Variants in EVA1C observed in about 807,000 individuals in gnomAD.
The protein encoded by EVA1C is protein eva-1 homolog C.
EVA1C carries 25 observed loss-of-function variants against 45.4 expected under a neutral mutation model. The ratio of observed to expected loss-of-function variants is 0.55; its 90% CI spans 0.40 to 0.77. The LOEUF is 0.77. Ranked by LOEUF, EVA1C falls within the 30% of genes least tolerant of loss-of-function variation. The probability of loss-of-function intolerance (pLI) is 0.00; values close to 1 mark genes in which losing one functional copy is unlikely to be tolerated. For synonymous variants in EVA1C, 190 were observed against 221.2 expected, an observed-to-expected ratio of 0.86 and a Z score of 1.25; for missense variants, 479 against 554.8, an observed-to-expected ratio of 0.86 and a Z score of 1.37.
chr21:32,487,686 C>T (rs1399739257), intron 4 of EVA1C, among the ~76,000 whole-genome samples: 1 of 151,232 alleles, frequency 6.6e-6, no homozygotes, highest in African/African-American at 2.4e-5. Context: ...CGCCATTGCC[C>T]TCCAGTCTGG....
At chr21:32,417,443 T>C (rs2034093086) in intron 1 of EVA1C, among the ~76,000 whole-genome samples, 1 of 152,190 alleles carries the variant, frequency 6.6e-6, no homozygotes, top group Admixed American at 6.5e-5. Context: ...ATCAGTCATA[T>C]TGGACTAGAC....
chr21:32,476,406 C>T (rs2036565545), intron 4 of EVA1C, among the ~76,000 whole-genome samples: 1 of 152,018 alleles, frequency 6.6e-6, no homozygotes, highest in African/African-American at 2.4e-5. Context: ...CTTTGGGAGG[C>T]CGAGGCAGGT....
intron 2 of EVA1C, among the ~76,000 whole-genome samples, chr21:32,454,419 A>G (rs894697856): frequency 6.6e-6 from 1 of 152,072 alleles, no homozygotes; most frequent in Non-Finnish European, 1.5e-5. Context: ...GGTTTAAGTC[A>G]TTCTTTTTGT....
At chr21:32,446,442 T>A (rs1253503003) in intron 1 of EVA1C, among the ~76,000 whole-genome samples, 1 of 152,236 alleles carries the variant, frequency 6.6e-6, no homozygotes, top group Admixed American at 6.5e-5. Flanking sequence ...AAAGCAGTTT[T>A]GACTGATCCA....
intron 4 of EVA1C, among the ~76,000 whole-genome samples, chr21:32,487,909 C>T (rs1260722307): frequency 2.0e-5 from 3 of 152,098 alleles, no homozygotes; most frequent in African/African-American, 7.2e-5. Flanking sequence ...AATTCTGGAA[C>T]CCAAGAAGAA....
chr21:32,467,468 T>C (rs1486141308), intron 3 of EVA1C, among the ~76,000 whole-genome samples: 1 of 152,166 alleles, frequency 6.6e-6, no homozygotes, highest in East Asian at 1.9e-4. Context: ...ATTTGCCCCT[T>C]AGTTTAATTC....
At chr21:32,481,023 A>C (rs2036764763) in intron 4 of EVA1C, among the ~76,000 whole-genome samples, 1 of 152,192 alleles carries the variant, frequency 6.6e-6, no homozygotes, top group African/African-American at 2.4e-5. Flanking sequence ...AGAGGGAAGA[A>C]CATTTACACA....
At chr21:32,471,794 A>AT (rs957993883) in intron 4 of EVA1C, among the ~76,000 whole-genome samples, 5 of 150,456 alleles carry the variant, frequency 3.3e-5, no homozygotes, top group Admixed American at 6.6e-5. Flanking sequence ...ACGCCCCACT[A>AT]TTTTTTTGTA....
intron 7 of EVA1C, among the ~76,000 whole-genome samples, chr21:32,513,043 CATT>C (rs1175840269): frequency 6.7e-6 from 1 of 148,504 alleles, no homozygotes. Flanking sequence ...ATATAATAAG[CATT>C]ATAATACTTA....
At chr21:32,492,962 T>C (rs1601412216) in intron 4 of EVA1C, among the ~76,000 whole-genome samples, 1 of 152,002 alleles carries the variant, frequency 6.6e-6, no homozygotes, top group Non-Finnish European at 1.5e-5. Flanking sequence ...AGCCACAAAA[T>C]TGATGTGTGT....
intron 1 of EVA1C, among the ~76,000 whole-genome samples, chr21:32,445,051 C>T (rs2035316985): frequency 6.6e-6 from 1 of 152,162 alleles, no homozygotes; most frequent in African/African-American, 2.4e-5. Flanking sequence ...AAGTTAAGGA[C>T]ACCCACTGGG....
chr21:32,503,874 G>C, intron 6 of EVA1C, 52 bp from the exon 7 acceptor site: 1 of 1,305,940 alleles, frequency 7.7e-7, no homozygotes, highest in South Asian at 1.2e-5. Flanking sequence ...TCTTAGAATA[G>C]GCGTACTATG....
chr21:32,479,954 G>A (rs2036717609), intron 4 of EVA1C, among the ~76,000 whole-genome samples: 1 of 151,788 alleles, frequency 6.6e-6, no homozygotes, highest in Non-Finnish European at 1.5e-5. Context: ...AATTTTTGCA[G>A]CTGCATGCCT....
chr21:32,480,748 A>G (rs1002689277), intron 4 of EVA1C, among the ~76,000 whole-genome samples: 1 of 152,204 alleles, frequency 6.6e-6, no homozygotes, highest in African/African-American at 2.4e-5. Flanking sequence ...GGATCACCTG[A>G]GGTCAGGAGT....
chr21:32,417,073 C>G (rs1001961158), intron 1 of EVA1C, among the ~76,000 whole-genome samples: 1 of 152,170 alleles, frequency 6.6e-6, no homozygotes, highest in Non-Finnish European at 1.5e-5. Context: ...CTTAACCGAT[C>G]CTCCTCCCTT....
intron 1 of EVA1C, among the ~76,000 whole-genome samples, chr21:32,433,918 G>A (rs1337410596): frequency 6.6e-6 from 1 of 152,236 alleles, no homozygotes; most frequent in Non-Finnish European, 1.5e-5. Flanking sequence ...TAGCACTTTG[G>A]GAGGCTGAGG....
chr21:32,436,098 C>T (rs2034939931), intron 1 of EVA1C, among the ~76,000 whole-genome samples: 1 of 152,186 alleles, frequency 6.6e-6, no homozygotes, highest in Non-Finnish European at 1.5e-5. Flanking sequence ...GAGTCTTGCT[C>T]TCTTGCCCAG....
chr21:32,502,989 G>A (rs2037607847), intron 6 of EVA1C, among the ~76,000 whole-genome samples: 1 of 152,194 alleles, frequency 6.6e-6, no homozygotes, highest in African/African-American at 2.4e-5. Context: ...TCCCCCTGCA[G>A]TGGGGGCCTG....
At chr21:32,428,436 G>C (rs2833818) in intron 1 of EVA1C, 54,626 of 152,104 alleles carry the variant, frequency 0.36, 10,056 homozygotes, top group East Asian at 0.44. Flanking sequence ...TGCACTGCCT[G>C]GGTCTGTTAC....
Sources: gnomAD v4.1 joint callset for allele counts (sites outside exome capture counted in the v4.1 genomes callset) on GRCh38, gnomAD v4.1.1 for gene constraint, MANE v1.5 for transcripts, NCBI Gene and HGNC (gene_info 2026-07-23, HGNC 2026-07-21) for gene names.